The following ITPRID1 variants were observed in gnomAD, a reference collection of about 807,000 sequenced individuals.
ITPRID1 encodes protein ITPRID1.
A neutral mutation model predicts 95.4 loss-of-function variants in ITPRID1; 96 were observed. The observed-to-expected ratio is 1.01, with a 90% CI of 0.85 to 1.19. ITPRID1 has a LOEUF of 1.19. Ranked by LOEUF, ITPRID1 falls within the 50% of genes most tolerant of loss-of-function variation. ITPRID1 has a pLI of 0.00. For synonymous variants in ITPRID1, 510 were observed against 453.6 expected (o/e 1.12, Z -1.58); for missense variants, 1,339 against 1,252.9 (o/e 1.07, Z -1.04).
chr7:31,652,632 G>C lies in ITPRID1; in HGVS notation c.2938G>C (p.Ala980Pro), dbSNP rs377589498. The change falls in exon 15 of 15, where the codon GCC becomes CCC. Residue 980 changes from alanine to proline, a missense_variant. Ala to Pro is a conservative substitution (Grantham distance 27). Transcript: ENST00000615280. ...ATGTTCTAAAATCCACCCAGGCATG[G>C]CCCCGAGGACTGTGTTTCCTCCCGA... ...TSCSKIHPGM[A>P]PRTVFPPDDG... 66 of 1,613,688 alleles carry C rather than the reference G, an allele frequency of 4.1e-5. No individual in the cohort carries two copies. Among genetic ancestry groups the C allele is most frequent in the Non-Finnish European group, 5.3e-5 (63 of 1,179,846 alleles).
At chr7:31,553,808 T>C (rs1784363248) in intron 3 of ITPRID1, among the ~76,000 whole-genome samples, 1 of 152,142 alleles carries the variant, frequency 6.6e-6, no homozygotes, top group Admixed American at 6.6e-5. Context: ...TCAAACAAAA[T>C]TAGCCTAGAG....
intron 10 of ITPRID1, among the ~76,000 whole-genome samples, chr7:31,626,877 C>A (rs1196586757): frequency 6.6e-6 from 1 of 152,188 alleles, no homozygotes; most frequent in Non-Finnish European, 1.5e-5. Context: ...AAGCACCCAA[C>A]AGAAAAATGT....
At chr7:31,576,993 A>G (rs79316610) in intron 8 of ITPRID1, among the ~76,000 whole-genome samples, 1 of 151,926 alleles carries the variant, frequency 6.6e-6, no homozygotes, top group East Asian at 1.9e-4. Flanking sequence ...TCCACATGCT[A>G]ATTAAGTCAA....
At chr7:31,563,633 C>T (rs1397545009) in intron 5 of ITPRID1, among the ~76,000 whole-genome samples, 1 of 152,050 alleles carries the variant, frequency 6.6e-6, no homozygotes, top group Non-Finnish European at 1.5e-5. Flanking sequence ...TATAGTGAGT[C>T]CTGAACTCAC....
At chr7:31,545,011 C>T (rs1040212003) in intron 1 of ITPRID1, among the ~76,000 whole-genome samples, 2 of 152,018 alleles carry the variant, frequency 1.3e-5, no homozygotes, top group African/African-American at 2.4e-5. Context: ...TCCAGGAGTT[C>T]ATTTAGTTGG....
chr7:31,629,468 T>C (rs1398774868), intron 10 of ITPRID1, among the ~76,000 whole-genome samples: 1 of 152,204 alleles, frequency 6.6e-6, no homozygotes, highest in African/African-American at 2.4e-5. Context: ...GGAGGGGGAA[T>C]AGAAACAGTT....
At chr7:31,531,022 G>T (rs971938170) in intron 1 of ITPRID1, among the ~76,000 whole-genome samples, 1 of 152,234 alleles carries the variant, frequency 6.6e-6, no homozygotes, top group Non-Finnish European at 1.5e-5. Context: ...TGCCTCTGGA[G>T]TAGGTCTGGG....
chr7:31,651,737 AG>A (rs1387399699), intron 13 of ITPRID1, among the ~76,000 whole-genome samples: 1 of 151,582 alleles, frequency 6.6e-6, no homozygotes, highest in East Asian at 1.9e-4. Context: ...CTCTTAAAAT[AG>A]GGGAACTATA....
chr7:31,607,992 A>C (rs1786700696), intron 10 of ITPRID1, among the ~76,000 whole-genome samples: 1 of 151,736 alleles, frequency 6.6e-6, no homozygotes, highest in Non-Finnish European at 1.5e-5. Flanking sequence ...GCTTCCTCTT[A>C]TCTCTTTGAA....
intron 6 of ITPRID1, among the ~76,000 whole-genome samples, chr7:31,570,997 C>T (rs1784966961): frequency 6.6e-6 from 1 of 150,886 alleles, no homozygotes; most frequent in African/African-American, 2.4e-5. Context: ...AGAACAGAAG[C>T]AATTAAAGGA....
At chr7:31,550,742 C>T (rs1784260423) in intron 2 of ITPRID1, among the ~76,000 whole-genome samples, 2 of 104,964 alleles carry the variant, frequency 1.9e-5, no homozygotes, top group Non-Finnish European at 4.8e-5. Flanking sequence ...CTTTTTCCTG[C>T]TCTGTGGCCA....
chr7:31,642,049 T>A, intron 10 of ITPRID1, 127 bp from the exon 11 acceptor site: 1 of 527,938 alleles, frequency 1.9e-6, no homozygotes, highest in Non-Finnish European at 3.3e-6. Flanking sequence ...CCTCATTTGT[T>A]TTTTCTTCCA....
intron 5 of ITPRID1, among the ~76,000 whole-genome samples, chr7:31,565,306 G>T (rs1452018203): frequency 6.6e-6 from 1 of 152,184 alleles, no homozygotes; most frequent in African/African-American, 2.4e-5. Context: ...GGTTCATCTT[G>T]TGAGTTTAAA....
At chr7:31,555,826 A>C (rs1784427373) in intron 5 of ITPRID1, among the ~76,000 whole-genome samples, 1 of 152,174 alleles carries the variant, frequency 6.6e-6, no homozygotes, top group Admixed American at 6.6e-5. Context: ...TTAAATTTTG[A>C]ATTTTTTTAC....
At chr7:31,538,534 T>C (rs1783833076) in intron 1 of ITPRID1, among the ~76,000 whole-genome samples, 1 of 152,234 alleles carries the variant, frequency 6.6e-6, no homozygotes, top group South Asian at 2.1e-4. Flanking sequence ...TGTCATATCA[T>C]TTCAGGGTTT....
At position 31,578,349 on chromosome 7, in the gene ITPRID1, A is replaced by C. The variant is rs748606184; in HGVS notation, c.1085A>C (p.Gln362Pro). The C allele has an allele frequency of 2.6e-5, 42 of 1,613,760 alleles. 1 individual carries two copies. The highest frequency in any genetic ancestry group is 3.1e-5 in the Non-Finnish European group (36 of 1,179,822). Reference sequence around the variant, plus strand: ...GAGGGGTCAGTCAAGGGCAGAACTCAGAAGGAGAACTTATTTCAGACTAAC... The same window carrying C: ...GAGGGGTCAGTCAAGGGCAGAACTCCGAAGGAGAACTTATTTCAGACTAAC... ...VSEGSVKGRT[Q>P]KENLFQTNKL... Residue 362 changes from glutamine to proline, a missense_variant, in exon 9 of 15, where the codon CAG (glutamine) becomes CCG (proline). Physicochemically the swap from Gln to Pro is moderately conservative, Grantham distance 76. Coordinates refer to ENST00000615280, the MANE Select transcript of ITPRID1 (RefSeq NM_001257967.3).
intron 10 of ITPRID1, among the ~76,000 whole-genome samples, chr7:31,619,838 A>T (rs1203571692): frequency 1.3e-5 from 2 of 152,186 alleles, no homozygotes; most frequent in Non-Finnish European, 2.9e-5. Context: ...GGGGTCAGGG[A>T]GTTCCCTTTC....
chr7:31,519,614 C>CCATATATATATATATATATA (rs1783161314), intron 1 of ITPRID1, among the ~76,000 whole-genome samples: 2 of 43,182 alleles, frequency 4.6e-5, no homozygotes, highest in Admixed American at 3.0e-4. Context: ...CTCTCTCTCT[C>CCATATATATATATATATATA]TCTCTCTATA....
intron 10 of ITPRID1, among the ~76,000 whole-genome samples, chr7:31,612,703 A>G (rs1786931130): frequency 6.6e-6 from 1 of 152,024 alleles, no homozygotes; most frequent in Non-Finnish European, 1.5e-5. Context: ...CATGCCTTCA[A>G]TGCTCCACCT....
Sources: gnomAD v4.1 joint callset for allele counts (sites outside exome capture counted in the v4.1 genomes callset) on GRCh38, gnomAD v4.1.1 for gene constraint, MANE v1.5 for transcripts, NCBI Gene and HGNC (gene_info 2026-07-23, HGNC 2026-07-21) for gene names.